Variants in ARHGAP27 observed in about 807,000 individuals in gnomAD.
The protein encoded by ARHGAP27 is Rho GTPase activating protein 27, also known as rho GTPase-activating protein 27.
ARHGAP27 carries 53 observed loss-of-function variants against 102.0 expected under a neutral mutation model. The observed-to-expected ratio is 0.52, with a 90% confidence interval of 0.42 to 0.65. The LOEUF (loss-of-function observed/expected upper bound fraction) is 0.65. Ranked by LOEUF, ARHGAP27 falls within the 30% of genes least tolerant of loss-of-function variation. ARHGAP27 has a pLI of 0.00. For missense variants in ARHGAP27, 1,117 were observed against 1,256.2 expected, an observed-to-expected ratio of 0.89 and a Z score of 1.68; for synonymous variants, 525 against 542.8, an observed-to-expected ratio of 0.97 and a Z score of 0.46.
rs2046967356 is a variant in ARHGAP27, at chr17:45,405,069, G to A, written c.1103C>T (p.Thr368Ile). ...TPETDYPESL[T>I]SYPEEDYSPV... ...AGAATAGTCCTCCTCGGGGTAACTG[G>A]TCAGCGACTCGGGGTAGTCCGTCTC... The change falls in exon 6 of 20, where the codon ACC (threonine) becomes ATC (isoleucine). Residue 368 changes from threonine (T) to isoleucine (I), a missense_variant. This residue lies in a region of ARHGAP27 where 610 missense variants were observed against 716.4 expected (regional missense o/e 0.85). Transcript: ENST00000685559. 1 of 1,605,662 alleles carries A rather than the reference G, an allele frequency of 6.2e-7. No homozygotes were observed. Among genetic ancestry groups the A allele is most frequent in the Non-Finnish European group, 8.5e-7 (1 of 1,174,826 alleles).
chr17:45,429,541 G>C lies in ARHGAP27; in HGVS notation c.657+82C>G, dbSNP rs770087082. 2.6e-6 allele frequency: 4 copies of C among 1,557,708 alleles called. No homozygotes were observed. The African/African-American group carries it at 4.2e-5, about 16-fold the overall frequency. On this transcript the variant is annotated intron_variant, in intron 4 of 19. Transcript: ENST00000685559. ...CGTCGTGCCCGACGCTGAGCGGAGC[G>C]GGTCTCCTTGCGCCCCGGCTCCGTG... is the stretch of plus-strand genomic sequence containing the variant.
intron 4 of ARHGAP27, among the ~76,000 whole-genome samples, chr17:45,413,931 C>A (rs2048175096): frequency 6.6e-6 from 1 of 152,120 alleles, no homozygotes; most frequent in Non-Finnish European, 1.5e-5. Context: ...CATAGCGAAA[C>A]CTTGTCTCTA....
intron 4 of ARHGAP27, among the ~76,000 whole-genome samples, chr17:45,423,449 G>C (rs1251266575): frequency 8.5e-5 from 13 of 152,288 alleles, no homozygotes; most frequent in African/African-American, 1.7e-4. Flanking sequence ...GGTTTCATGA[G>C]CGGGAACTGT....
chr17:45,425,201 AC>A (rs755638987), intron 4 of ARHGAP27, among the ~76,000 whole-genome samples: 1 of 149,726 alleles, frequency 6.7e-6, no homozygotes, highest in Non-Finnish European at 1.5e-5. Flanking sequence ...CAGCAGGGCC[AC>A]CCCAGGGTGG....
chr17:45,403,480 G>A, intron 11 of ARHGAP27, 139 bp downstream of exon 11: 1 of 674,630 alleles, frequency 1.5e-6, no homozygotes, highest in Non-Finnish European at 2.5e-6. Context: ...GCACTCAGGA[G>A]GGAGAGGTTG....
At position 45,410,185 on chromosome 17, in the gene ARHGAP27, T is replaced by C. The variant is rs1402369195; in HGVS notation, c.658-4102A>G. 11 of 1,529,922 alleles carry C rather than the reference T, an allele frequency of 7.2e-6. No individual in the cohort carries two copies. The South Asian group carries it at 1.3e-4, about 18-fold the overall frequency. 94.8% of individuals were successfully genotyped at this position (1,529,922 alleles called of 1,614,324 possible). On this transcript the variant is annotated intron_variant, in intron 4 of 19. Coordinates refer to ENST00000685559, the MANE Select transcript of ARHGAP27 (RefSeq NM_001282290.2). ...CAGCTCACCCAGCTCCTAACAGGGC[T>C]TGTGGTAGAGGCCCACCGGGCACCC... is the stretch of plus-strand genomic sequence containing the variant.
intron 4 of ARHGAP27, among the ~76,000 whole-genome samples, chr17:45,413,816 C>T (rs560660242): frequency 5.3e-5 from 8 of 152,202 alleles, no homozygotes; most frequent in Non-Finnish European, 1.0e-4. Context: ...CAGAAATGGT[C>T]CATGAGGGGC....
rs2050067465 is a variant in ARHGAP27, at chr17:45,431,683, G to T, written c.-81C>A. 5.6e-6 allele frequency: 1 copy of T among 178,552 alleles called. No homozygotes were observed. The highest frequency in any genetic ancestry group is 1.2e-5 in the Non-Finnish European group (1 of 84,386). 11.1% of individuals were successfully genotyped at this position (178,552 alleles called of 1,614,324 possible). A position where few individuals can be genotyped will look rare whatever the true frequency, so the allele number is the denominator to read the frequency against. The stretch of plus-strand genomic sequence containing the variant: ...TGGGCGGAGCCGGCGGTGGCTGCAG[G>T]TTAGGCCCCTACCATCGCCCTGGGC... On this transcript the variant is annotated 5_prime_UTR_variant, in exon 3 of 20. Transcript: ENST00000685559.
At position 45,396,215 on chromosome 17, in the gene ARHGAP27, A is replaced by C. The variant is rs2045637894; in HGVS notation, c.2243T>G (p.Val748Gly). 1.2e-6 allele frequency: 2 copies of C among 1,612,536 alleles called. No homozygotes were observed. The highest frequency in any genetic ancestry group is 1.3e-5 in the African/African-American group (1 of 75,004). ...LATIQKLRYKVDHDERLDLDD... is the reference protein window; with the variant it reads ...LATIQKLRYKGDHDERLDLDD... Reference sequence around the variant, plus strand: ...TTGGGGACGGGCCTCACCGTGGTCCACCTTATAGCGTAGCTTCTGGATGGT... The same window carrying C: ...TTGGGGACGGGCCTCACCGTGGTCCCCCTTATAGCGTAGCTTCTGGATGGT... Residue 748 changes from valine (V) to glycine (G), a missense_variant, in exon 17 of 20, where the codon GTG becomes GGG. Around this residue, in one of 3 missense-constraint regions of ARHGAP27, gnomAD observed 493 missense variants for 505.5 expected, o/e 0.98. Coordinates refer to ENST00000685559, the MANE Select transcript of ARHGAP27 (RefSeq NM_001282290.2).
chr17:45,395,438 C>G lies in ARHGAP27; in HGVS notation c.*18G>C. ...GTGTGGCAGGACCGCGGCCGCCGCC[C>G]CAGTCACAGGCCAGCAGTCAGTGCG... On this transcript the variant is annotated 3_prime_UTR_variant, in exon 20 of 20. Coordinates refer to ENST00000685559, the MANE Select transcript of ARHGAP27 (RefSeq NM_001282290.2). 6.5e-7 allele frequency: 1 copy of G among 1,547,674 alleles called. No individual in the cohort carries two copies. The highest frequency in any genetic ancestry group is 8.7e-7 in the Non-Finnish European group (1 of 1,143,880).
intron 4 of ARHGAP27, among the ~76,000 whole-genome samples, chr17:45,412,924 CTG>C (rs1324209538): frequency 7.5e-6 from 1 of 133,464 alleles, no homozygotes; most frequent in Non-Finnish European, 1.5e-5. Context: ...GGTGATTTGA[CTG>C]TGCCTCCCAG....
rs1048333705 is a variant in ARHGAP27, at chr17:45,404,162, G to A, written c.1480-66C>T. On this transcript the variant is annotated intron_variant, in intron 9 of 19. Coordinates refer to ENST00000685559, the MANE Select transcript of ARHGAP27 (RefSeq NM_001282290.2). ...TAAGGGGTGAGCTATGGGGAGTAGA[G>A]GCTGGTCACCTGCTCAGCTGCCACT... 3.7e-6 allele frequency: 6 copies of A among 1,607,572 alleles called. No individual in the cohort carries two copies. In the Admixed American group the frequency reaches 8.3e-5, roughly 22 times the overall value.
chr17:45,404,684 G>A lies in ARHGAP27; in HGVS notation c.1249-3C>T, dbSNP rs2046911669. 5 of 1,608,676 alleles carry A rather than the reference G, an allele frequency of 3.1e-6. No individual in the cohort carries two copies. Among genetic ancestry groups the A allele is most frequent in the Non-Finnish European group, 4.2e-6 (5 of 1,178,444 alleles). ...TGGGGGTCCTCCAGCCTCACCCACT[G>A]TGGGGAGAGGAATGGTCAGGGCCTC... On this transcript the variant is annotated splice_region_variant and splice_polypyrimidine_tract_variant and intron_variant, in intron 6 of 19. Coordinates refer to ENST00000685559, the MANE Select transcript of ARHGAP27 (RefSeq NM_001282290.2).
chr17:45,410,452 C>T, intron 4 of ARHGAP27: 2 of 1,254,926 alleles, frequency 1.6e-6, no homozygotes. Flanking sequence ...TGCGGAAGTG[C>T]TGCCTGAGTT....
In ARHGAP27 at chr17:45,430,370, G is replaced by C. The variant is rs2049970213; in HGVS notation, c.-18-73C>G. On this transcript the variant is annotated intron_variant, in intron 3 of 19. Coordinates refer to ENST00000685559, the MANE Select transcript of ARHGAP27 (RefSeq NM_001282290.2). This position sits in a 1 kb window ranked among gnomAD's most constrained non-coding sequence, Gnocchi z 4.4. ...TGGAATAGCCCCGCACTCGGGGACA[G>C]ACTTGGGTTCGAGTCCCGATCCTGC... is the stretch of plus-strand genomic sequence containing the variant. 6.7e-7 allele frequency: 1 copy of C among 1,481,676 alleles called. No homozygotes were observed. Among genetic ancestry groups the C allele is most frequent in the Non-Finnish European group, 8.9e-7 (1 of 1,127,058 alleles). The allele number at this position is 1,481,676 out of a possible 1,614,324, so 91.8% of individuals were successfully genotyped here. A position where few individuals can be genotyped will look rare whatever the true frequency, so the allele number is the denominator to read the frequency against.
intron 6 of ARHGAP27, 41 bp downstream of exon 6, chr17:45,404,883 G>A (rs1406136303): frequency 2.5e-6 from 4 of 1,613,540 alleles, no homozygotes; most frequent in Non-Finnish European, 3.4e-6. Context: ...TTGTGGGGAG[G>A]ACTCTGAGGC....
In ARHGAP27 at chr17:45,404,322, G is replaced by T; in HGVS notation, c.1426C>A (p.Leu476Met). 1 of 1,614,098 alleles carries T rather than the reference G, an allele frequency of 6.2e-7. No homozygotes were observed. Among genetic ancestry groups the T allele is most frequent in the Non-Finnish European group, 8.5e-7 (1 of 1,179,996 alleles). Residue 476 changes from leucine (L) to methionine (M), a missense_variant, in exon 9 of 20, where the codon CTG becomes ATG. Leu to Met is a conservative substitution (Grantham distance 15). Transcript: ENST00000685559. ...SPPEEKVPAE[L>M]DEVGSWEEVS... ...TCCTCCCAGCTCCCAACCTCATCCA[G>T]CTCTGCTGGGACCTATGGGGGAAGA...
chr17:45,395,950 A>AC, intron 18 of ARHGAP27, 33 bp downstream of exon 18: 2 of 1,592,330 alleles, frequency 1.3e-6, no homozygotes, highest in Non-Finnish European at 1.7e-6. Context: ...CCACGCCCCT[A>AC]CCCCATCCGC....
intron 4 of ARHGAP27, among the ~76,000 whole-genome samples, chr17:45,420,693 G>A (rs969468340): frequency 6.6e-6 from 1 of 152,068 alleles, no homozygotes; most frequent in African/African-American, 2.4e-5. Context: ...AGTGGCTCAC[G>A]CCTGTAATCC....
Sources: allele counts gnomAD v4.1 joint callset (sites outside exome capture counted in the v4.1 genomes callset), GRCh38; gene constraint gnomAD v4.1.1; regional missense constraint gnomAD v4.1.1; non-coding constraint Gnocchi (gnomAD v3.1); transcripts MANE v1.5; gene names NCBI Gene and HGNC (gene_info 2026-07-23, HGNC 2026-07-21).